Variants in DNM3 observed in about 807,000 individuals in gnomAD.
DNM3 encodes dynamin-3.
Under a neutral mutation model 101.6 loss-of-function variants are expected in DNM3, and 47 were observed. The ratio of observed to expected loss-of-function variants is 0.46; its 90% confidence interval spans 0.37 to 0.59. DNM3 has a LOEUF of 0.59. Among genes scored for constraint, DNM3 ranks in the 20% least tolerant of loss-of-function variants. DNM3 has a pLI of 0.00. For missense variants in DNM3, 849 were observed against 1,085.7 expected, an observed-to-expected ratio of 0.78 and a Z score of 3.06; for synonymous variants, 385 against 387.9, an observed-to-expected ratio of 0.99 and a Z score of 0.09.
chr1:172,246,073 C>A (rs1470589349), intron 14 of DNM3, among the ~76,000 whole-genome samples: 1 of 152,118 alleles, frequency 6.6e-6, no homozygotes, highest in African/African-American at 2.4e-5. Context: ...GCCACATATA[C>A]TTTTAAACCA....
chr1:172,042,966 G>A (rs746791100), intron 8 of DNM3, among the ~76,000 whole-genome samples: 25 of 152,086 alleles, frequency 1.6e-4, no homozygotes, highest in Non-Finnish European at 3.1e-4. Context: ...GACCAGGGGT[G>A]GATTCATTTT....
chr1:172,037,965 G>T (rs184405192), intron 6 of DNM3, among the ~76,000 whole-genome samples: 7 of 152,238 alleles, frequency 4.6e-5, no homozygotes, highest in East Asian at 3.9e-4. Context: ...CTAACTTAAG[G>T]TTCCTTTCTA....
chr1:172,243,932 G>A (rs1376857219), intron 14 of DNM3, among the ~76,000 whole-genome samples: 1 of 151,934 alleles, frequency 6.6e-6, no homozygotes, highest in African/African-American at 2.4e-5. Context: ...AGTTACATAT[G>A]TATACATGTG....
At chr1:171,989,834 A>G (rs1342798267) in intron 4 of DNM3, among the ~76,000 whole-genome samples, 1 of 152,110 alleles carries the variant, frequency 6.6e-6, no homozygotes, top group Non-Finnish European at 1.5e-5. Flanking sequence ...ATGGAGATAC[A>G]TGTTCTTCAG....
At chr1:171,842,451 C>A (rs912032301) in intron 1 of DNM3, among the ~76,000 whole-genome samples, 4 of 152,274 alleles carry the variant, frequency 2.6e-5, no homozygotes, top group African/African-American at 9.6e-5. Context: ...CCACCATTCT[C>A]CTCCCGGAGA....
intron 11 of DNM3, among the ~76,000 whole-genome samples, chr1:172,075,077 G>T (rs188329843): frequency 2.6e-5 from 4 of 152,218 alleles, no homozygotes; most frequent in Admixed American, 2.6e-4. Context: ...CAGTGATGAT[G>T]AGCTTTTTTT....
At chr1:171,882,419 GTCTC>G (rs1246711950) in intron 1 of DNM3, among the ~76,000 whole-genome samples, 1 of 109,998 alleles carries the variant, frequency 9.1e-6, no homozygotes, top group African/African-American at 4.1e-5. Flanking sequence ...TTTTGTCTCT[GTCTC>G]TCTCTATACA....
At chr1:172,388,312 T>C (rs1447803656) in intron 19 of DNM3, among the ~76,000 whole-genome samples, 1 of 151,820 alleles carries the variant, frequency 6.6e-6, no homozygotes, top group African/African-American at 2.4e-5. Context: ...AGAGAGAAAA[T>C]ATATACTTAT....
intron 14 of DNM3, among the ~76,000 whole-genome samples, chr1:172,216,669 G>A (rs1025015379): frequency 1.3e-5 from 2 of 151,908 alleles, no homozygotes; most frequent in Admixed American, 6.6e-5. Flanking sequence ...CAAATGTAAC[G>A]TTCTTTTTAC....
At chr1:172,071,526 T>A (rs1001400554) in intron 11 of DNM3, among the ~76,000 whole-genome samples, 1 of 152,144 alleles carries the variant, frequency 6.6e-6, no homozygotes, top group Non-Finnish European at 1.5e-5. Context: ...GTGACCCATA[T>A]CCTCAGGCCT....
intron 20 of DNM3, among the ~76,000 whole-genome samples, chr1:172,403,873 AAACT>A (rs2070692845): frequency 6.6e-6 from 1 of 152,152 alleles, no homozygotes; most frequent in Non-Finnish European, 1.5e-5. Flanking sequence ...TCCCCAAAAC[AAACT>A]GTCTTGTGAG....
At chr1:172,309,143 A>T in intron 16 of DNM3, 1 of 290,758 alleles carries the variant, frequency 3.4e-6, no homozygotes, top group Non-Finnish European at 6.3e-6. Flanking sequence ...ATTTTTCTCT[A>T]TATGCTTTTT....
chr1:172,132,831 T>G, intron 14 of DNM3: 2 of 737,090 alleles, frequency 2.7e-6, no homozygotes, highest in Non-Finnish European at 4.9e-6. Context: ...AAACTAAAAA[T>G]AAAACAAAAC....
intron 20 of DNM3, among the ~76,000 whole-genome samples, chr1:172,395,409 G>A (rs2149097544): frequency 6.6e-6 from 1 of 152,188 alleles, no homozygotes; most frequent in South Asian, 2.1e-4. Context: ...GACCTCAGGT[G>A]ATCCACCCAC....
chr1:171,842,626 G>T (rs189049834), intron 1 of DNM3, among the ~76,000 whole-genome samples: 17 of 152,006 alleles, frequency 1.1e-4, no homozygotes, highest in Admixed American at 9.8e-4. Context: ...CATCTTTCTC[G>T]CACTCTCTCT....
chr1:171,846,560 T>C (rs2032132464), intron 1 of DNM3, among the ~76,000 whole-genome samples: 1 of 152,186 alleles, frequency 6.6e-6, no homozygotes, highest in Admixed American at 6.5e-5. Context: ...GGCTAGTAAG[T>C]TAAATTATGA....
Position 172,225,574 on chromosome 1 carries a change from ATT to A in DNM3, c.1660-27990_1660-27989del, listed in dbSNP as rs11339745. Among the ~76,000 whole-genome samples, 422 of 148,804 alleles carry A rather than the reference ATT, an allele frequency of 2.8e-3. 2 individuals are homozygous for A. The highest frequency in any genetic ancestry group is 9.6e-3 in the African/African-American group (391 of 40,684). The stretch of plus-strand genomic sequence containing the variant: ...CTTTAGTAACTATTACCAAATGACC[ATT>A]TTTTTTTTGCCATAACTCTATCTCT... On this transcript the variant is annotated intron_variant, in intron 14 of 20. Coordinates refer to ENST00000627582, the MANE Select transcript of DNM3 (RefSeq NM_015569.5).
At chr1:172,156,066 C>T (rs917134031) in intron 14 of DNM3, among the ~76,000 whole-genome samples, 5 of 152,030 alleles carry the variant, frequency 3.3e-5, no homozygotes, top group African/African-American at 1.2e-4. Flanking sequence ...AGTGTTTCTA[C>T]TTCATAGGGA....
intron 1 of DNM3, among the ~76,000 whole-genome samples, chr1:171,912,612 G>A (rs2125283524): frequency 6.6e-6 from 1 of 152,300 alleles, no homozygotes; most frequent in South Asian, 2.1e-4. Flanking sequence ...GACAAAAGAA[G>A]AGGAAGGGTA....
Sources: gnomAD v4.1 joint callset for allele counts (sites outside exome capture counted in the v4.1 genomes callset) on GRCh38, gnomAD v4.1.1 for gene constraint, MANE v1.5 for transcripts, NCBI Gene and HGNC (gene_info 2026-07-23, HGNC 2026-07-21) for gene names.